SHISA9: variants seen among roughly 807,000 people sequenced by gnomAD.
The protein encoded by SHISA9 is protein shisa-9.
Under a neutral mutation model 38.0 loss-of-function variants are expected in SHISA9, and 13 were observed. The ratio of observed to expected loss-of-function variants is 0.34; its 90% CI spans 0.22 to 0.54. The LOEUF is 0.54. Ranked by LOEUF, SHISA9 falls within the 20% of genes least tolerant of loss-of-function variation. The probability of loss-of-function intolerance (pLI) is 0.91; values close to 1 mark genes in which losing one functional copy is unlikely to be tolerated. For synonymous variants in SHISA9, 275 were observed against 242.0 expected (o/e 1.14, Z -1.27); for missense variants, 538 against 575.8 (o/e 0.93, Z 0.67).
chr16:13,313,603 C>G, the SHISA9 span, among the ~76,000 whole-genome samples: 1 of 152,010 alleles, frequency 6.6e-6, no homozygotes, highest in African/African-American at 2.4e-5. Flanking sequence ...GGGGAGGGAA[C>G]TATTGCATTT....
rs2051423064 is a variant in SHISA9, at chr16:13,240,155, C to T, written c.*4746C>T. ...AGCCTCCATCTGCCTTGGGCTCCGC[C>T]TGGCCTCCCCATCTAACTCTTCCCA... On this transcript the variant is annotated 3_prime_UTR_variant, in exon 5 of 5. Coordinates refer to ENST00000558583, the MANE Select transcript of SHISA9 (RefSeq NM_001145204.3). The T allele has an allele frequency of 1.3e-5, 2 of 152,270 alleles. No homozygotes were observed. The highest frequency in any genetic ancestry group is 6.5e-5 in the Admixed American group (1 of 15,282). 9.4% of individuals were successfully genotyped at this position (152,270 alleles called of 1,614,324 possible). A position where few individuals can be genotyped will look rare whatever the true frequency, so the allele number is the denominator to read the frequency against.
chr16:13,050,094 T>C (rs756885316), intron 2 of SHISA9, among the ~76,000 whole-genome samples: 2 of 152,188 alleles, frequency 1.3e-5, no homozygotes, highest in African/African-American at 2.4e-5. Context: ...AGAATAACTA[T>C]TGACATGGAG....
In SHISA9 at chr16:13,211,972, C is replaced by CCCGA. The variant is rs1567250491; in HGVS notation, c.848-1280_848-1279insCGAC. On this transcript the variant is annotated intron_variant, in intron 3 of 4. Coordinates refer to ENST00000558583, the MANE Select transcript of SHISA9 (RefSeq NM_001145204.3). ...GGTGGGCCCGACTCAGTTTTAACTT[C>CCCGA]CTCACTCTTCTCTCTTCTGTTGCTC... 5.3e-5 allele frequency among the ~76,000 whole-genome samples: 8 copies of CCCGA among 152,284 alleles called. No individual in the cohort carries two copies. In the East Asian group the frequency reaches 1.4e-3, roughly 26 times the overall value.
chr16:13,445,004 ATATATATATATATATATATATATATG>A, the SHISA9 span, among the ~76,000 whole-genome samples: 4 of 32,012 alleles, frequency 1.2e-4, no homozygotes, highest in African/African-American at 5.2e-4. Flanking sequence ...ATATATATAT[ATATATATATATATATATATATATATG>A]TTGTATTTTT....
chr16:13,270,409 C>A, the SHISA9 span, among the ~76,000 whole-genome samples: 1 of 152,102 alleles, frequency 6.6e-6, no homozygotes, highest in African/African-American at 2.4e-5. Flanking sequence ...GACTTGGAAA[C>A]AGAATTTACC....
At chr16:13,025,182 T>C (rs2072905829) in intron 2 of SHISA9, among the ~76,000 whole-genome samples, 1 of 152,228 alleles carries the variant, frequency 6.6e-6, no homozygotes, top group Admixed American at 6.5e-5. Flanking sequence ...CTATTTATTA[T>C]ACAGGGATAC....
At chr16:13,305,300 A>G in the SHISA9 span, among the ~76,000 whole-genome samples, 1 of 152,136 alleles carries the variant, frequency 6.6e-6, no homozygotes, top group Non-Finnish European at 1.5e-5. Flanking sequence ...AAAGTTTTAA[A>G]TTTCGGAGCA....
the SHISA9 span, among the ~76,000 whole-genome samples, chr16:13,507,204 ATTG>A: frequency 6.6e-6 from 1 of 151,998 alleles, no homozygotes; most frequent in East Asian, 1.9e-4. Flanking sequence ...TATTATTATT[ATTG>A]TTATTACTCC....
intron 2 of SHISA9, among the ~76,000 whole-genome samples, chr16:13,029,627 T>C (rs1200347807): frequency 1.3e-5 from 2 of 152,142 alleles, no homozygotes; most frequent in African/African-American, 2.4e-5. Context: ...ACAAAATGAA[T>C]GAGATTCTGT....
chr16:13,057,994 T>C (rs1325295228), intron 2 of SHISA9, among the ~76,000 whole-genome samples: 1 of 152,200 alleles, frequency 6.6e-6, no homozygotes, highest in African/African-American at 2.4e-5. Context: ...TTCCTTTTTA[T>C]GGCTGTATAA....
chr16:13,262,409 A>G, the SHISA9 span, among the ~76,000 whole-genome samples: 1 of 152,062 alleles, frequency 6.6e-6, no homozygotes, highest in African/African-American at 2.4e-5. Flanking sequence ...TCCTTCCTCA[A>G]TTGCACTAGT....
chr16:13,286,085 A>G, the SHISA9 span, among the ~76,000 whole-genome samples: 3 of 152,150 alleles, frequency 2.0e-5, no homozygotes, highest in African/African-American at 7.2e-5. Flanking sequence ...GAAACTCAAG[A>G]CAATGCAACT....
the SHISA9 span, among the ~76,000 whole-genome samples, chr16:13,559,362 T>C: frequency 6.6e-6 from 1 of 151,090 alleles, no homozygotes; most frequent in Non-Finnish European, 1.5e-5. Flanking sequence ...GGATTTTTTT[T>C]TTCTTTTTTC....
the SHISA9 span, among the ~76,000 whole-genome samples, chr16:13,438,159 C>G: frequency 9.9e-5 from 15 of 152,170 alleles, no homozygotes; most frequent in African/African-American, 3.6e-4. Context: ...AGCCACCGCA[C>G]CCGGCCTCAG....
intron 2 of SHISA9, among the ~76,000 whole-genome samples, chr16:13,010,090 G>T (rs962846622): frequency 6.6e-6 from 1 of 152,002 alleles, no homozygotes; most frequent in Non-Finnish European, 1.5e-5. Flanking sequence ...AGGCAGGAAG[G>T]TCGCTTGAGC....
chr16:13,367,804 G>C, the SHISA9 span, among the ~76,000 whole-genome samples: 1 of 150,864 alleles, frequency 6.6e-6, no homozygotes, highest in African/African-American at 2.4e-5. Context: ...CTTACTTCTG[G>C]GCATTCCACA....
chr16:13,527,663 G>A, the SHISA9 span, among the ~76,000 whole-genome samples: 1 of 152,102 alleles, frequency 6.6e-6, no homozygotes, highest in Non-Finnish European at 1.5e-5. Flanking sequence ...AAGCCCACAC[G>A]GAATTCAAGT....
intron 2 of SHISA9, among the ~76,000 whole-genome samples, chr16:13,006,332 C>T (rs766395670): frequency 7.2e-5 from 11 of 152,020 alleles, no homozygotes; most frequent in African/African-American, 9.7e-5. Flanking sequence ...CCATGGGCAG[C>T]GGGGAAAGAG....
At chr16:13,134,598 G>A (rs2050332468) in intron 2 of SHISA9, among the ~76,000 whole-genome samples, 1 of 152,144 alleles carries the variant, frequency 6.6e-6, no homozygotes, top group Admixed American at 6.5e-5. Context: ...GAGCAAAGGT[G>A]AGGTGGAGGT....
Sources: gnomAD v4.1 joint callset for allele counts (sites outside exome capture counted in the v4.1 genomes callset) on GRCh38, gnomAD v4.1.1 for gene constraint, MANE v1.5 for transcripts, NCBI Gene and HGNC (gene_info 2026-07-23, HGNC 2026-07-21) for gene names.